Variants in ANKRD22 observed in about 807,000 individuals in gnomAD.
ANKRD22 encodes the protein ankyrin repeat domain 22.
Under a neutral mutation model 25.7 loss-of-function variants are expected in ANKRD22, and 24 were observed. The ratio of observed to expected loss-of-function variants is 0.93; its 90% CI spans 0.68 to 1.31. ANKRD22 has a LOEUF of 1.31. Among genes scored for constraint, ANKRD22 ranks in the 50% most tolerant of loss-of-function variants. The pLI is 0.00. For synonymous variants in ANKRD22, 84 were observed against 84.3 expected (o/e 1.00, Z 0.02); for missense variants, 214 against 227.1 (o/e 0.94, Z 0.37).
At position 88,820,681 on chromosome 10, in the gene ANKRD22, T is replaced by C; in HGVS notation, c.*2260A>G. 1 of 634,166 alleles carries C rather than the reference T, an allele frequency of 1.6e-6. No individual in the cohort carries two copies. Among genetic ancestry groups the C allele is most frequent in the Non-Finnish European group, 2.7e-6 (1 of 374,890 alleles). The allele number at this position is 634,166 out of a possible 1,614,324, so 39.3% of individuals were successfully genotyped here. A position where few individuals can be genotyped will look rare whatever the true frequency, so the allele number is the denominator to read the frequency against. On this transcript the variant is annotated 3_prime_UTR_variant, in exon 6 of 6. Transcript: ENST00000371930. ...TAAATTAAAGTACTTATTAGGTAAA[T>C]AGAGGTTTTGTATGCTATTATATAT...
intron 1 of ANKRD22, among the ~76,000 whole-genome samples, chr10:88,833,718 T>G (rs1394126132): frequency 6.6e-6 from 1 of 152,206 alleles, no homozygotes; most frequent in Non-Finnish European, 1.5e-5. Context: ...AAAAATGAAA[T>G]GAACATGATA....
chr10:88,844,692 A>G (rs1374244206), intron 1 of ANKRD22, among the ~76,000 whole-genome samples: 1 of 126,174 alleles, frequency 7.9e-6, no homozygotes, highest in Non-Finnish European at 1.6e-5. Context: ...CTCATCTCAG[A>G]TAATCTAGAT....
intron 4 of ANKRD22, among the ~76,000 whole-genome samples, chr10:88,824,054 C>T (rs895585738): frequency 1.3e-5 from 2 of 152,174 alleles, no homozygotes; most frequent in African/African-American, 4.8e-5. Flanking sequence ...CTCCACATGG[C>T]CCTTTACATA....
chr10:88,826,119 T>C lies in ANKRD22; in HGVS notation c.322-4A>G. The C allele has an allele frequency of 6.2e-7, 1 of 1,600,756 alleles. No individual in the cohort carries two copies. The highest frequency in any genetic ancestry group is 1.1e-5 in the South Asian group (1 of 89,160). ...CATTCTGCTTTGTCTTTGATACCTA[T>C]TACAAATGGTAATTATAAGAAAGGC... On this transcript the variant is annotated splice_polypyrimidine_tract_variant and splice_region_variant and intron_variant, in intron 3 of 5. Transcript: ENST00000371930.
rs1843803444 is a variant in ANKRD22 at position 88,822,195 on chromosome 10, A to C, written c.*746T>G. Reference sequence around the variant, plus strand: ...TGGAAAGTAAAAAACAAAAAAACAAAAACAAACTCTGATTTGTCAATTTGC... The same window carrying C: ...TGGAAAGTAAAAAACAAAAAAACAACAACAAACTCTGATTTGTCAATTTGC... On this transcript the variant is annotated 3_prime_UTR_variant, in exon 6 of 6. Coordinates refer to ENST00000371930, the MANE Select transcript of ANKRD22 (RefSeq NM_144590.3). 6.6e-6 allele frequency: 1 copy of C among 152,192 alleles called. No homozygotes were observed. Among genetic ancestry groups the C allele is most frequent in the Non-Finnish European group, 1.5e-5 (1 of 68,026 alleles). The allele number at this position is 152,192 out of a possible 1,614,324, so 9.4% of individuals were successfully genotyped here. A position where few individuals can be genotyped will look rare whatever the true frequency, so the allele number is the denominator to read the frequency against.
chr10:88,832,335 G>T (rs1843912451), intron 1 of ANKRD22, among the ~76,000 whole-genome samples: 1 of 152,074 alleles, frequency 6.6e-6, no homozygotes, highest in Non-Finnish European at 1.5e-5. Flanking sequence ...GTGCTTACAG[G>T]TAGGTGGGCC....
chr10:88,831,656 T>C (rs760504225), intron 2 of ANKRD22, among the ~76,000 whole-genome samples, 179 bp downstream of exon 2: 6 of 152,234 alleles, frequency 3.9e-5, no homozygotes, highest in Non-Finnish European at 8.8e-5. Context: ...TGTTTTATTT[T>C]GCTGTTTAGC....
chr10:88,827,619 T>A (rs1843867064), intron 3 of ANKRD22, among the ~76,000 whole-genome samples: 1 of 152,244 alleles, frequency 6.6e-6, no homozygotes, highest in East Asian at 1.9e-4. Flanking sequence ...TATTAGTGAA[T>A]TAAAGTTCTT....
intron 1 of ANKRD22, among the ~76,000 whole-genome samples, chr10:88,846,062 T>C (rs1325534609): frequency 1.9e-4 from 29 of 152,188 alleles, no homozygotes; most frequent in Non-Finnish European, 1.5e-5. Flanking sequence ...ATTATCAGTG[T>C]TAAAAATTTC....
At position 88,820,947 on chromosome 10, in the gene ANKRD22, C is replaced by G. The variant is rs1843786574; in HGVS notation, c.*1994G>C. 6.6e-6 allele frequency among the ~76,000 whole-genome samples: 1 copy of G among 152,098 alleles called. No homozygotes were observed. The highest frequency in any genetic ancestry group is 1.5e-5 in the Non-Finnish European group (1 of 68,028). Reference sequence around the variant, plus strand: ...TGTTGCCACAGAGACATAACACTACCTCAGGAAGCTGAGCTGCTTTAAGGA... The same window carrying G: ...TGTTGCCACAGAGACATAACACTACGTCAGGAAGCTGAGCTGCTTTAAGGA... On this transcript the variant is annotated 3_prime_UTR_variant, in exon 6 of 6. Coordinates refer to ENST00000371930, the MANE Select transcript of ANKRD22 (RefSeq NM_144590.3).
chr10:88,838,894 G>A lies in ANKRD22; in HGVS notation c.22-6868C>T, dbSNP rs577135861. 9.2e-5 allele frequency among the ~76,000 whole-genome samples: 14 copies of A among 152,248 alleles called. No homozygotes were observed. The South Asian group carries it at 1.7e-3, about 18-fold the overall frequency. On this transcript the variant is annotated intron_variant, in intron 1 of 5. Coordinates refer to ENST00000371930, the MANE Select transcript of ANKRD22 (RefSeq NM_144590.3). ...CACAGAGGAAAACAGACTAGTAGGC[G>A]AGGAGGAGATTGAAGAGAAGGAGTA... is the stretch of plus-strand genomic sequence containing the variant.
intron 1 of ANKRD22, among the ~76,000 whole-genome samples, chr10:88,835,979 G>T (rs1843950682): frequency 6.6e-6 from 1 of 152,030 alleles, no homozygotes; most frequent in Admixed American, 6.6e-5. Flanking sequence ...GGGCACCCTG[G>T]GTGTAGAAGA....
intron 1 of ANKRD22, among the ~76,000 whole-genome samples, chr10:88,850,064 GC>G (rs1844089646): frequency 1.3e-5 from 2 of 151,142 alleles, no homozygotes; most frequent in African/African-American, 4.9e-5. Flanking sequence ...GATCCAGCAG[GC>G]TTTTTTCTTG....
intron 1 of ANKRD22, among the ~76,000 whole-genome samples, chr10:88,847,551 G>A (rs887127127): frequency 9.9e-5 from 15 of 151,930 alleles, no homozygotes; most frequent in Non-Finnish European, 1.8e-4. Context: ...GAGCCACTGC[G>A]CCTGGCCTCA....
chr10:88,838,486 G>A (rs551856113), intron 1 of ANKRD22, among the ~76,000 whole-genome samples: 7 of 152,304 alleles, frequency 4.6e-5, no homozygotes, highest in African/African-American at 1.4e-4. Flanking sequence ...TATTAGAAAA[G>A]TAACCAGTTT....
chr10:88,851,470 C>T, intron 1 of ANKRD22, 117 bp downstream of exon 1: 1 of 1,103,048 alleles, frequency 9.1e-7, no homozygotes, highest in Non-Finnish European at 1.4e-6. Flanking sequence ...CTTAATGCTC[C>T]CCCAGGGAGT....
At chr10:88,850,401 T>C (rs1844093194) in intron 1 of ANKRD22, among the ~76,000 whole-genome samples, 1 of 152,124 alleles carries the variant, frequency 6.6e-6, no homozygotes, top group Non-Finnish European at 1.5e-5. Flanking sequence ...CTTCAGAAGA[T>C]CTGTATAGAC....
intron 4 of ANKRD22, among the ~76,000 whole-genome samples, chr10:88,825,670 C>G (rs1260261503): frequency 6.6e-6 from 1 of 152,236 alleles, no homozygotes; most frequent in Non-Finnish European, 1.5e-5. Context: ...AAGTTTACAA[C>G]TTGCTCAAAC....
At chr10:88,824,048 A>G (rs899040269) in intron 4 of ANKRD22, among the ~76,000 whole-genome samples, 1 of 152,238 alleles carries the variant, frequency 6.6e-6, no homozygotes, top group Non-Finnish European at 1.5e-5. Context: ...AAGAGTCTCC[A>G]CATGGCCCTT....
Sources: allele counts gnomAD v4.1 joint callset (sites outside exome capture counted in the v4.1 genomes callset), GRCh38; gene constraint gnomAD v4.1.1; transcripts MANE v1.5; gene names NCBI Gene and HGNC (gene_info 2026-07-23, HGNC 2026-07-21).